The following PDE10A variants were observed in gnomAD, a reference collection of about 807,000 sequenced individuals.
The protein encoded by PDE10A is phosphodiesterase 10A.
In PDE10A, 39 loss-of-function variants were observed where a neutral mutation model predicts 97.7. The observed-to-expected ratio is 0.40, with a 90% CI of 0.31 to 0.52. The LOEUF (loss-of-function observed/expected upper bound fraction) is 0.52, where lower values mean the gene tolerates loss of function less well. Ranked by LOEUF, PDE10A falls within the 20% of genes least tolerant of loss-of-function variation. The pLI, the probability that PDE10A is intolerant of heterozygous loss-of-function variation, is 0.56. For missense variants in PDE10A, 731 were observed against 1,047.8 expected (o/e 0.70, Z 4.17); for synonymous variants, 371 against 376.8 (o/e 0.98, Z 0.18).
At chr6:165,574,974 C>T (rs1785230166) in intron 1 of PDE10A, among the ~76,000 whole-genome samples, 1 of 152,136 alleles carries the variant, frequency 6.6e-6, no homozygotes, top group African/African-American at 2.4e-5. Flanking sequence ...ACAAAATTCC[C>T]CTCTCTGATG....
At chr6:165,436,116 G>T (rs1338255986) in intron 5 of PDE10A, among the ~76,000 whole-genome samples, 1 of 152,102 alleles carries the variant, frequency 6.6e-6, no homozygotes, top group Non-Finnish European at 1.5e-5. Flanking sequence ...TGTAGAAATT[G>T]GGGGCAATAT....
At chr6:165,747,200 A>G (rs972570457) in intron 1 of PDE10A, among the ~76,000 whole-genome samples, 1 of 152,194 alleles carries the variant, frequency 6.6e-6, no homozygotes, top group Non-Finnish European at 1.5e-5. Flanking sequence ...TAAAATAAAC[A>G]TTTTTTTAAA....
chr6:165,449,979 G>A (rs1791167499), intron 4 of PDE10A, among the ~76,000 whole-genome samples: 1 of 152,042 alleles, frequency 6.6e-6, no homozygotes, highest in African/African-American at 2.4e-5. Flanking sequence ...GCTTTCCAAA[G>A]GAAACTAGGT....
intron 12 of PDE10A, among the ~76,000 whole-genome samples, chr6:165,415,444 C>A (rs886292392): frequency 6.6e-6 from 1 of 152,168 alleles, no homozygotes; most frequent in African/African-American, 2.4e-5. Context: ...ACAGTCACAG[C>A]ATCAATCCTG....
At chr6:165,795,452 G>A (rs1359746075) in intron 1 of PDE10A, among the ~76,000 whole-genome samples, 10 of 152,134 alleles carry the variant, frequency 6.6e-5, no homozygotes, top group South Asian at 2.1e-4. Context: ...AGGGCTGGGC[G>A]CGGTGGCTCA....
intron 1 of PDE10A, chr6:165,946,713 A>G (rs1292598755): frequency 6.6e-6 from 1 of 152,156 alleles, no homozygotes; most frequent in Non-Finnish European, 1.5e-5. Flanking sequence ...GGCTATTTAA[A>G]AAACTAATAA....
At chr6:165,791,794 T>C (rs1190332513) in intron 1 of PDE10A, among the ~76,000 whole-genome samples, 1 of 152,198 alleles carries the variant, frequency 6.6e-6, no homozygotes, top group Non-Finnish European at 1.5e-5. Flanking sequence ...GAAAAGCGTT[T>C]CTTGGGCTTT....
chr6:165,629,877 TG>T (rs1367431481), intron 1 of PDE10A, among the ~76,000 whole-genome samples: 2 of 134,796 alleles, frequency 1.5e-5, no homozygotes, highest in Non-Finnish European at 3.2e-5. Context: ...TATGAATTTT[TG>T]TTTTTTTTTA....
chr6:165,745,174 G>T (rs1445675080), intron 1 of PDE10A, among the ~76,000 whole-genome samples: 2 of 152,152 alleles, frequency 1.3e-5, no homozygotes, highest in Non-Finnish European at 2.9e-5. Flanking sequence ...GCTCAGAGCT[G>T]TGGAAACCTC....
intron 1 of PDE10A, among the ~76,000 whole-genome samples, chr6:165,920,249 T>C (rs185404255): frequency 3.3e-5 from 5 of 152,304 alleles, no homozygotes; most frequent in Admixed American, 1.3e-4. Flanking sequence ...TACAATGCCA[T>C]GTAGTAATGC....
chr6:165,657,873 C>T (rs371776104), intron 1 of PDE10A, among the ~76,000 whole-genome samples: 136 of 152,336 alleles, frequency 8.9e-4, no homozygotes, highest in Non-Finnish European at 1.6e-3. Flanking sequence ...GTGACACTCA[C>T]GTCCACACCC....
At chr6:165,357,102 A>G (rs182660124) in intron 18 of PDE10A, among the ~76,000 whole-genome samples, 261 of 152,208 alleles carry the variant, frequency 1.7e-3, no homozygotes, top group African/African-American at 6.0e-3. Context: ...ATGGAGGTGT[A>G]ATTTTGTCAG....
At position 165,603,643 on chromosome 6, in the gene PDE10A, G is replaced by A. The variant is rs537776141; in HGVS notation, c.865+58304C>T. ...AATCTGGGAGGGGAGCAGCGTCCCA[G>A]TGAGGACTCTGGGGAGGGCCCATGC... On this transcript the variant is annotated intron_variant, in intron 1 of 21. Coordinates refer to ENST00000539869, the MANE Select transcript of PDE10A (RefSeq NM_001385079.1). 1.9e-4 allele frequency among the ~76,000 whole-genome samples: 29 copies of A among 152,370 alleles called. No individual in the cohort carries two copies. In the South Asian group the frequency reaches 2.9e-3, roughly 15 times the overall value.
intron 1 of PDE10A, among the ~76,000 whole-genome samples, chr6:165,912,484 G>A (rs371130770): frequency 6.6e-6 from 1 of 152,160 alleles, no homozygotes; most frequent in South Asian, 2.1e-4. Context: ...TTCTGTAAAT[G>A]TGTCCTTTCT....
At chr6:165,686,804 C>T (rs941813625) in intron 1 of PDE10A, among the ~76,000 whole-genome samples, 4 of 152,312 alleles carry the variant, frequency 2.6e-5, no homozygotes, top group African/African-American at 9.6e-5. Flanking sequence ...CGGGCATGAG[C>T]GGCATCACGT....
At chr6:165,750,238 A>T (rs1190477892) in intron 1 of PDE10A, among the ~76,000 whole-genome samples, 2 of 152,218 alleles carry the variant, frequency 1.3e-5, no homozygotes, top group African/African-American at 4.8e-5. Context: ...CAGTGAATGG[A>T]CTTGAACTAT....
chr6:165,352,401 CACTG>C (rs1216688956), intron 18 of PDE10A, among the ~76,000 whole-genome samples: 3 of 151,966 alleles, frequency 2.0e-5, no homozygotes, highest in African/African-American at 4.8e-5. Flanking sequence ...AGAGAGAGGC[CACTG>C]ACTGTCATCC....
At chr6:165,812,042 C>T (rs569491003) in intron 1 of PDE10A, among the ~76,000 whole-genome samples, 40 of 152,108 alleles carry the variant, frequency 2.6e-4, no homozygotes, top group South Asian at 2.5e-3. Flanking sequence ...TTAATAGAGA[C>T]GGGGTTTCAC....
chr6:165,741,297 T>C (rs887453390), intron 1 of PDE10A, among the ~76,000 whole-genome samples: 1 of 152,154 alleles, frequency 6.6e-6, no homozygotes, highest in Non-Finnish European at 1.5e-5. Flanking sequence ...ATAAAGAAAC[T>C]GGATATATGT....
Sources: allele counts gnomAD v4.1 joint callset (sites outside exome capture counted in the v4.1 genomes callset), GRCh38; gene constraint gnomAD v4.1.1; transcripts MANE v1.5; gene names NCBI Gene and HGNC (gene_info 2026-07-23, HGNC 2026-07-21).